SYK: variants seen among roughly 807,000 people sequenced by gnomAD.
SYK encodes spleen associated tyrosine kinase.
In SYK, 16 loss-of-function variants were observed where a neutral mutation model predicts 77.8. That is an observed-to-expected ratio of 0.21 (90% CI 0.14 to 0.31). The LOEUF (loss-of-function observed/expected upper bound fraction) is 0.31, where lower values mean the gene tolerates loss of function less well. Ranked by LOEUF, SYK falls within the 10% of genes least tolerant of loss-of-function variation. The probability of loss-of-function intolerance (pLI) is 1.00; values close to 1 mark genes in which losing one functional copy is unlikely to be tolerated. For missense variants in SYK, 529 were observed against 814.4 expected (o/e 0.65, Z 4.26); for synonymous variants, 312 against 308.7 (o/e 1.01, Z -0.11).
intron 4 of SYK, among the ~76,000 whole-genome samples, chr9:90,862,804 T>C (rs955177985): frequency 6.6e-6 from 1 of 152,128 alleles, no homozygotes; most frequent in Non-Finnish European, 1.5e-5. Context: ...AATGGATGCC[T>C]GGGGAAGGAG....
intron 1 of SYK, among the ~76,000 whole-genome samples, chr9:90,831,703 A>G (rs1375212187): frequency 6.6e-6 from 1 of 152,248 alleles, no homozygotes; most frequent in Non-Finnish European, 1.5e-5. Context: ...TGTGACGTGC[A>G]CAAAGCAGTG....
At chr9:90,803,980 A>G (rs1824717963) in intron 1 of SYK, among the ~76,000 whole-genome samples, 1 of 151,982 alleles carries the variant, frequency 6.6e-6, no homozygotes, top group African/African-American at 2.4e-5. Context: ...TGTTTAGAGC[A>G]GGTGTTATCA....
At chr9:90,851,957 A>G (rs1304390336) in intron 3 of SYK, among the ~76,000 whole-genome samples, 1 of 152,200 alleles carries the variant, frequency 6.6e-6, no homozygotes, top group African/African-American at 2.4e-5. Context: ...AGGCTGGTCA[A>G]TACTACAAGC....
At chr9:90,863,777 C>G (rs1033039849) in intron 4 of SYK, among the ~76,000 whole-genome samples, 3 of 152,174 alleles carry the variant, frequency 2.0e-5, no homozygotes, top group Non-Finnish European at 2.9e-5. Flanking sequence ...GCTCCAAGGT[C>G]CCAGGCCCCA....
At chr9:90,888,855 C>G (rs1028606135) in intron 13 of SYK, among the ~76,000 whole-genome samples, 1 of 152,084 alleles carries the variant, frequency 6.6e-6, no homozygotes, top group Admixed American at 6.6e-5. Flanking sequence ...GACTCTAACC[C>G]GAGTGTCCAA....
chr9:90,884,220 T>TACACATACACATACGTGTGTATATACAC (rs1564120108), intron 11 of SYK, among the ~76,000 whole-genome samples: 1 of 33,038 alleles, frequency 3.0e-5, no homozygotes, highest in Admixed American at 3.3e-4. Flanking sequence ...TATACACGCA[T>TACACATACACATACGTGTGTATATACAC]ATACACATAC....
intron 11 of SYK, among the ~76,000 whole-genome samples, chr9:90,886,335 A>G (rs1828574863): frequency 6.6e-6 from 1 of 152,260 alleles, no homozygotes; most frequent in Admixed American, 6.5e-5. Flanking sequence ...ATGCAGGAAA[A>G]AAAGGAACTC....
At chr9:90,874,893 G>C (rs771895615) in intron 9 of SYK, 44 bp downstream of exon 9, 3 of 1,606,702 alleles carry the variant, frequency 1.9e-6, no homozygotes, top group Non-Finnish European at 2.6e-6. Flanking sequence ...CATGAGCTCA[G>C]GTTCTAGACA....
intron 1 of SYK, among the ~76,000 whole-genome samples, chr9:90,814,834 GCACACACA>G (rs567535954): frequency 4.3e-5 from 3 of 69,788 alleles, no homozygotes; most frequent in Non-Finnish European, 9.5e-5. Flanking sequence ...CAACACACGT[GCACACACA>G]CACACACACA....
intron 1 of SYK, among the ~76,000 whole-genome samples, chr9:90,821,827 A>G (rs1288292029): frequency 6.6e-6 from 1 of 152,108 alleles, no homozygotes; most frequent in Non-Finnish European, 1.5e-5. Context: ...CTGAAGTGCT[A>G]TCTGGTGTCC....
intron 13 of SYK, among the ~76,000 whole-genome samples, chr9:90,891,486 G>GA (rs1828790829): frequency 6.6e-6 from 1 of 152,100 alleles, no homozygotes; most frequent in Non-Finnish European, 1.5e-5. Context: ...TGGCTCCAGG[G>GA]ATCCCTTTTC....
chr9:90,888,584 C>T lies in SYK; in HGVS notation c.1792C>T (p.Pro598Ser). ...GERMGCPAGC[P>S]REMYDLMNLC... Reference sequence around the variant, plus strand: ...GCGGATGGGGTGCCCTGCAGGGTGTCCAAGAGAGATGTACGATCTCATGAA... The same window carrying T: ...GCGGATGGGGTGCCCTGCAGGGTGTTCAAGAGAGATGTACGATCTCATGAA... Residue 598 changes from proline (P) to serine (S), a missense_variant, in exon 13 of 14, where the codon CCA (proline) becomes TCA (serine). Transcript: ENST00000375754. The T allele has an allele frequency of 6.2e-7, 1 of 1,611,338 alleles. No homozygotes were observed.
chr9:90,840,596 G>A (rs188545359), intron 1 of SYK, among the ~76,000 whole-genome samples: 1 of 148,212 alleles, frequency 6.7e-6, no homozygotes, highest in Admixed American at 6.7e-5. Flanking sequence ...GGGGAAAGCA[G>A]TCCAAAGAGA....
intron 1 of SYK, among the ~76,000 whole-genome samples, chr9:90,838,160 C>A (rs1013378955): frequency 6.6e-6 from 1 of 152,174 alleles, no homozygotes; most frequent in Non-Finnish European, 1.5e-5. Context: ...GATAAGCAGA[C>A]ATGCAGATCA....
chr9:90,867,072 G>C (rs1827526972), intron 6 of SYK, 59 bp from the exon 7 acceptor site: 2 of 1,590,584 alleles, frequency 1.3e-6, no homozygotes, highest in Non-Finnish European at 8.6e-7. Flanking sequence ...GTCGTGGAAG[G>C]GATCCTGTAT....
chr9:90,872,236 C>T (rs950705891), intron 7 of SYK, among the ~76,000 whole-genome samples: 1 of 152,196 alleles, frequency 6.6e-6, no homozygotes, highest in Non-Finnish European at 1.5e-5. Context: ...GGCTGCAACC[C>T]CAGGATAATG....
Position 90,844,327 on chromosome 9 carries a change from C to G in SYK, c.417+12C>G. On this transcript the variant is annotated intron_variant, in intron 2 of 13. Coordinates refer to ENST00000375754, the MANE Select transcript of SYK (RefSeq NM_003177.7). ...CATGGAACCTGCAGGTGGGCCACAG[C>G]TGGTCCTGCTCCCTGGGCCCAGGGG... is the stretch of plus-strand genomic sequence containing the variant. 1 of 1,583,392 alleles carries G rather than the reference C, an allele frequency of 6.3e-7. No individual in the cohort carries two copies. The highest frequency in any genetic ancestry group is 8.6e-7 in the Non-Finnish European group (1 of 1,165,298).
chr9:90,875,236 A>C (rs1474813889), intron 9 of SYK, among the ~76,000 whole-genome samples: 3 of 140,958 alleles, frequency 2.1e-5, no homozygotes, highest in Non-Finnish European at 4.5e-5. Flanking sequence ...CTGTCTCTAC[A>C]AAAAAAATAA....
intron 1 of SYK, among the ~76,000 whole-genome samples, chr9:90,806,756 G>A (rs1358074851): frequency 6.6e-6 from 1 of 152,072 alleles, no homozygotes; most frequent in African/African-American, 2.4e-5. Flanking sequence ...CTTCCATCAG[G>A]GTGCATTCTG....
Sources: gnomAD v4.1 joint callset for allele counts (sites outside exome capture counted in the v4.1 genomes callset) on GRCh38, gnomAD v4.1.1 for gene constraint, MANE v1.5 for transcripts, NCBI Gene and HGNC (gene_info 2026-07-23, HGNC 2026-07-21) for gene names.